The following MAP3K15 variants were observed in gnomAD, a reference collection of about 807,000 sequenced individuals.
The protein encoded by MAP3K15 is mitogen-activated protein kinase kinase kinase 15.
Under a neutral mutation model 99.5 loss-of-function variants are expected in MAP3K15, and 124 were observed. The observed-to-expected ratio is 1.25, with a 90% confidence interval of 1.08 to 1.45. MAP3K15 has a LOEUF of 1.45. MAP3K15 is among the 40% of genes most tolerant of loss of function. The probability of loss-of-function intolerance (pLI) is 0.00; values close to 1 mark genes in which losing one functional copy is unlikely to be tolerated. For synonymous variants in MAP3K15, 494 were observed against 439.6 expected (o/e 1.12, Z -1.55); for missense variants, 1,242 against 1,079.7 (o/e 1.15, Z -2.11).
At chrX:19,362,002 C>T (rs1056324582) in intron 26 of MAP3K15, among the ~76,000 whole-genome samples, 20 of 111,416 alleles carry the variant, frequency 1.8e-4, no homozygotes, top group Non-Finnish European at 2.6e-4. Flanking sequence ...TGGCCCAAAA[C>T]GAATGTCAGG....
At chrX:19,448,100 A>G (rs1159082370) in intron 6 of MAP3K15, among the ~76,000 whole-genome samples, 1 of 106,511 alleles carries the variant, frequency 9.4e-6, no homozygotes, top group Non-Finnish European at 2.0e-5. Flanking sequence ...TGAAATCCTC[A>G]GGCAGCGGGC....
intron 3 of MAP3K15, among the ~76,000 whole-genome samples, chrX:19,476,637 C>T (rs756915527): frequency 6.8e-4 from 76 of 112,061 alleles, no homozygotes; most frequent in Non-Finnish European, 1.2e-3. Flanking sequence ...TACACTACTC[C>T]TTTTCTCTAA....
chrX:19,393,966 G>T (rs1159944620), intron 16 of MAP3K15, among the ~76,000 whole-genome samples: 2 of 108,259 alleles, frequency 1.8e-5, no homozygotes, highest in Admixed American at 2.0e-4. Flanking sequence ...TAGAGAGGGG[G>T]TTTCTCCATG....
Position 19,400,625 on chromosome X carries a change from G to T in MAP3K15, c.1883C>A (p.Ala628Glu). ...TCCCTCCAGCTCCACCGTACTGCCTGCTGTATTGGTTATCATCTCTTTGAC... is the reference window on the plus strand; with the variant it reads ...TCCCTCCAGCTCCACCGTACTGCCTTCTGTATTGGTTATCATCTCTTTGAC... ...SLVKEMITNTAGSTVELEGET... is the reference protein window; with the variant it reads ...SLVKEMITNTEGSTVELEGET... Residue 628 changes from alanine (A) to glutamate (E), a missense_variant, in exon 14 of 29, where the codon GCA becomes GAA. Coordinates refer to ENST00000338883, the MANE Select transcript of MAP3K15 (RefSeq NM_001001671.4). 1 of 1,207,746 alleles carries T rather than the reference G, an allele frequency of 8.3e-7. No individual in the cohort carries two copies. The highest frequency in any genetic ancestry group is 1.1e-6 in the Non-Finnish European group (1 of 892,815).
At chrX:19,460,761 GTTTTTT>G (rs372618461) in intron 4 of MAP3K15, among the ~76,000 whole-genome samples, 4 of 98,098 alleles carry the variant, frequency 4.1e-5, no homozygotes, top group Non-Finnish European at 8.2e-5. Flanking sequence ...TTGTTTTTTT[GTTTTTT>G]TTTTTTTATT....
intron 26 of MAP3K15, chrX:19,361,853 C>A: frequency 3.9e-6 from 1 of 255,771 alleles, no homozygotes; most frequent in Non-Finnish European, 6.6e-6. Context: ...ATGCTTATCC[C>A]CACATCTTTC....
rs1408426803 is a variant in MAP3K15 at position 19,409,806 on chromosome X, T to C, written c.1748+118A>G. On this transcript the variant is annotated intron_variant, in intron 12 of 28. Transcript: ENST00000338883. The stretch of plus-strand genomic sequence containing the variant: ...GGACAACATAATAGAGAGTCCACTT[T>C]GGATTCCATTAAAAATAAGAACATT... 2.1e-5 allele frequency: 12 copies of C among 570,926 alleles called. No individual in the cohort carries two copies. The East Asian group carries it at 4.3e-4, about 20-fold the overall frequency. 47.1% of individuals were successfully genotyped at this position (570,926 alleles called of 1,213,427 possible). A position where few individuals can be genotyped will look rare whatever the true frequency, so the allele number is the denominator to read the frequency against.
rs761662517 is a variant in MAP3K15 at position 19,432,114 on chromosome X, T to C, written c.996-506A>G. On this transcript the variant is annotated intron_variant, in intron 6 of 28. Transcript: ENST00000338883. ...TCCACACCAGTAAACCTTATACAAT[T>C]ACACTCAGTCCCTACTTGATTCTAT... is the stretch of plus-strand genomic sequence containing the variant. Among the ~76,000 whole-genome samples, 4 of 110,702 alleles carry C rather than the reference T, an allele frequency of 3.6e-5. No individual in the cohort carries two copies. The South Asian group carries it at 1.2e-3, about 32-fold the overall frequency.
intron 6 of MAP3K15, among the ~76,000 whole-genome samples, chrX:19,445,148 C>T (rs1265120214): frequency 9.0e-6 from 1 of 111,259 alleles, no homozygotes; most frequent in African/African-American, 3.3e-5. Context: ...TCTTCTTTTC[C>T]CTATCTCATT....
intron 6 of MAP3K15, among the ~76,000 whole-genome samples, chrX:19,434,101 G>A (rs1380358581): frequency 8.9e-6 from 1 of 112,340 alleles, no homozygotes; most frequent in Non-Finnish European, 1.9e-5. Flanking sequence ...AAGTCTGTAA[G>A]GATACATATT....
chrX:19,401,914 A>C lies in MAP3K15; in HGVS notation c.1845-1251T>G, dbSNP rs766789721. On this transcript the variant is annotated intron_variant, in intron 13 of 28. Coordinates refer to ENST00000338883, the MANE Select transcript of MAP3K15 (RefSeq NM_001001671.4). ...ACTAACCCATCTTACCTTTTCTTCT[A>C]ATCTTTGAAAGCTGGATAACCCAAT... is the stretch of plus-strand genomic sequence containing the variant. 4.5e-5 allele frequency among the ~76,000 whole-genome samples: 5 copies of C among 111,887 alleles called. No homozygotes were observed. In the East Asian group the frequency reaches 1.4e-3, roughly 31 times the overall value.
At chrX:19,441,508 G>A (rs994940790) in intron 6 of MAP3K15, among the ~76,000 whole-genome samples, 1 of 111,909 alleles carries the variant, frequency 8.9e-6, no homozygotes, top group Non-Finnish European at 1.9e-5. Flanking sequence ...CAGGGTTTGG[G>A]TCCGTCGTCC....
At chrX:19,498,369 T>C (rs953467407) in intron 1 of MAP3K15, among the ~76,000 whole-genome samples, 1 of 110,857 alleles carries the variant, frequency 9.0e-6, no homozygotes, top group African/African-American at 3.3e-5. Flanking sequence ...GGCACAGACT[T>C]TGAATCTCTA....
At chrX:19,469,214 G>T (rs1237388297) in intron 3 of MAP3K15, among the ~76,000 whole-genome samples, 3 of 111,613 alleles carry the variant, frequency 2.7e-5, no homozygotes, top group Non-Finnish European at 5.6e-5. Context: ...ATAGACCAAT[G>T]GAACAGAACA....
rs149044502 is a variant in MAP3K15, at chrX:19,380,878, C to T, written c.2432-601G>A. Among the ~76,000 whole-genome samples the T allele has an allele frequency of 5.4e-3, 603 of 112,364 alleles. 1 individual carries two copies. Among genetic ancestry groups the T allele is most frequent in the African/African-American group, 0.018 (572 of 30,919 alleles). ...ACATGCCTTCCTTTAATACTAACCA[C>T]GTGGAGAGAGGACTGCCTGGCCCAT... On this transcript the variant is annotated intron_variant, in intron 18 of 28. Transcript: ENST00000338883.
intron 21 of MAP3K15, 134 bp downstream of exon 21, chrX:19,373,402 G>A: frequency 2.5e-6 from 2 of 793,502 alleles, no homozygotes; most frequent in South Asian, 2.7e-5. Flanking sequence ...GGGCGGCTCA[G>A]CTGCCCTACT....
At position 19,454,389 on chromosome X, in the gene MAP3K15, A is replaced by T. The variant is rs747514868; in HGVS notation, c.995+2524T>A. On this transcript the variant is annotated intron_variant, in intron 6 of 28. Coordinates refer to ENST00000338883, the MANE Select transcript of MAP3K15 (RefSeq NM_001001671.4). ...ATATATCTAATAAAGCCCCATTTGT[A>T]AAAGCAACAGCAAATACAAATCACT... 1.3e-3 allele frequency among the ~76,000 whole-genome samples: 151 copies of T among 112,247 alleles called. 1 individual carries two copies. The highest frequency in any genetic ancestry group is 2.5e-3 in the Non-Finnish European group (135 of 53,260).
rs938318117 is a variant in MAP3K15 at position 19,487,614 on chromosome X, T to C, written c.502-1109A>G. On this transcript the variant is annotated intron_variant, in intron 2 of 28. Coordinates refer to ENST00000338883, the MANE Select transcript of MAP3K15 (RefSeq NM_001001671.4). Reference sequence around the variant, plus strand: ...CTTCTTTCACTGTCATACAAATGACTTATTAAAATACAGTATTTTGCCATA... The same window carrying C: ...CTTCTTTCACTGTCATACAAATGACCTATTAAAATACAGTATTTTGCCATA... Among the ~76,000 whole-genome samples the C allele has an allele frequency of 5.4e-5, 6 of 112,067 alleles. No homozygotes were observed. The Admixed American group carries it at 5.7e-4, about 11-fold the overall frequency.
intron 22 of MAP3K15, 108 bp downstream of exon 22, chrX:19,372,545 G>A: frequency 3.0e-6 from 2 of 672,913 alleles, no homozygotes; most frequent in Non-Finnish European, 4.5e-6. Context: ...CCGTAACTAT[G>A]CAGATGTTCC....
Sources: gnomAD v4.1 joint callset for allele counts (sites outside exome capture counted in the v4.1 genomes callset) on GRCh38, gnomAD v4.1.1 for gene constraint, MANE v1.5 for transcripts, NCBI Gene and HGNC (gene_info 2026-07-23, HGNC 2026-07-21) for gene names.